The following DIP2C variants were observed in gnomAD, a reference collection of about 807,000 sequenced individuals.
The protein encoded by DIP2C is DIP2 acetate--CoA ligase C (putative), also known as disco-interacting protein 2 homolog C.
In DIP2C, 33 loss-of-function variants were observed where a neutral mutation model predicts 192.4. The ratio of observed to expected loss-of-function variants is 0.17; its 90% CI spans 0.13 to 0.23. The LOEUF is 0.23. Among genes scored for constraint, DIP2C ranks in the 10% least tolerant of loss-of-function variants. The pLI is 1.00. For missense variants in DIP2C, 1,537 were observed against 2,110.1 expected (o/e 0.73, Z 5.32); for synonymous variants, 979 against 864.1 (o/e 1.13, Z -2.33).
intron 22 of DIP2C, among the ~76,000 whole-genome samples, chr10:359,631 G>A (rs1037692633): frequency 1.2e-4 from 18 of 152,290 alleles, no homozygotes; most frequent in Non-Finnish European, 2.2e-4. Flanking sequence ...CTGGAAGGAA[G>A]GGAGCTGCCC....
chr10:369,701 C>T (rs767398689), intron 17 of DIP2C, 68 bp from the exon 18 acceptor site: 67 of 1,611,912 alleles, frequency 4.2e-5, no homozygotes, highest in Non-Finnish European at 5.3e-5. Flanking sequence ...GATGTGCAGT[C>T]AGCACACATG....
At position 602,679 on chromosome 10, in the gene DIP2C, C is replaced by A. The variant is rs147608394; in HGVS notation, c.85+86815G>T. Among the ~76,000 whole-genome samples, 67 of 152,250 alleles carry A rather than the reference C, an allele frequency of 4.4e-4. No individual in the cohort carries two copies. In the Middle Eastern group the frequency reaches 0.01, roughly 23 times the overall value. On this transcript the variant is annotated intron_variant, in intron 1 of 36. Coordinates refer to ENST00000280886, the MANE Select transcript of DIP2C (RefSeq NM_014974.3). ...ATCACCCAATCTACAGCAGCCCAGA[C>A]AGTCATGTTACAACATTAGCCACTT... is the stretch of plus-strand genomic sequence containing the variant.
chr10:603,334 C>A (rs74994819), intron 1 of DIP2C, among the ~76,000 whole-genome samples: 2,252 of 71,848 alleles, frequency 0.031, 25 homozygotes, highest in African/African-American at 0.11. Context: ...AAAAAAAAAA[C>A]CAACCATGAG....
Position 636,225 on chromosome 10 carries a change from C to T in DIP2C, c.85+53269G>A, listed in dbSNP as rs1228077415. On this transcript the variant is annotated intron_variant, in intron 1 of 36. Transcript: ENST00000280886. This position sits in a 1 kb window ranked among gnomAD's most constrained non-coding sequence, Gnocchi z 4.6. ...GGCTCGTCGGCTCGTCGGCTCTTCC[C>T]GGCTGAACCCAAGGGTGCTTGGCTT... 6.6e-6 allele frequency among the ~76,000 whole-genome samples: 1 copy of T among 152,182 alleles called. No individual in the cohort carries two copies. Among genetic ancestry groups the T allele is most frequent in the South Asian group, 2.1e-4 (1 of 4,820 alleles).
intron 1 of DIP2C, among the ~76,000 whole-genome samples, chr10:549,564 G>A (rs865289): frequency 0.51 from 77,043 of 151,998 alleles, 20,914 homozygotes; most frequent in African/African-American, 0.72. Context: ...AGCCAAGGGC[G>A]GCATTTGGAG....
intron 11 of DIP2C, 32 bp downstream of exon 11, chr10:390,708 G>T (rs770170595): frequency 6.2e-6 from 10 of 1,604,238 alleles, no homozygotes; most frequent in Admixed American, 5.1e-5. Flanking sequence ...AAGGACGTGG[G>T]CATGCGAGCT....
At chr10:385,503 A>C (rs1004425159) in intron 14 of DIP2C, among the ~76,000 whole-genome samples, 1 of 152,238 alleles carries the variant, frequency 6.6e-6, no homozygotes, top group Non-Finnish European at 1.5e-5. Context: ...TGTTATGCTA[A>C]CTTTTATTTC....
At chr10:388,027 A>G (rs532022797) in intron 13 of DIP2C, among the ~76,000 whole-genome samples, 8 of 152,266 alleles carry the variant, frequency 5.3e-5, no homozygotes, top group Middle Eastern at 3.4e-3. Flanking sequence ...ATGAGTGAGC[A>G]GCGTTAGCTC....
chr10:680,805 G>A (rs1057211105), intron 1 of DIP2C, among the ~76,000 whole-genome samples: 3 of 152,372 alleles, frequency 2.0e-5, no homozygotes, highest in Admixed American at 6.5e-5. Context: ...TGTGTCAGGC[G>A]AGGGAGTAAT....
At chr10:570,568 C>G (rs1588483383) in intron 1 of DIP2C, among the ~76,000 whole-genome samples, 1 of 152,206 alleles carries the variant, frequency 6.6e-6, no homozygotes, top group African/African-American at 2.4e-5. Flanking sequence ...AGTACCTGCA[C>G]CCAACACTAC....
chr10:323,826 T>C (rs1355037438), intron 31 of DIP2C, among the ~76,000 whole-genome samples: 1 of 152,238 alleles, frequency 6.6e-6, no homozygotes, highest in African/African-American at 2.4e-5. Context: ...ACATTTAATG[T>C]ACCAGGCATG....
intron 31 of DIP2C, among the ~76,000 whole-genome samples, chr10:321,587 C>CCAGCGAGAGACCGGCGCTGTTAGAACAGT: frequency 6.9e-6 from 1 of 144,700 alleles, no homozygotes; most frequent in African/African-American, 2.7e-5. Context: ...GTGCGGGGCT[C>CCAGCGAGAGACCGGCGCTGTTAGAACAGT]CAGCGAGAGA....
At chr10:605,126 G>A (rs189454706) in intron 1 of DIP2C, among the ~76,000 whole-genome samples, 150 of 152,340 alleles carry the variant, frequency 9.8e-4, no homozygotes, top group Non-Finnish European at 1.4e-3. Flanking sequence ...CTGCCGCGAT[G>A]CCGTGAGCGC....
At chr10:495,426 A>G (rs79319311) in intron 1 of DIP2C, among the ~76,000 whole-genome samples, 2,914 of 152,314 alleles carry the variant, frequency 0.019, 81 homozygotes, top group African/African-American at 0.066. Flanking sequence ...AATTAACTAC[A>G]AGGTGAGGAA....
At chr10:392,000 T>C (rs4488125) in intron 10 of DIP2C, among the ~76,000 whole-genome samples, 93,410 of 152,074 alleles carry the variant, frequency 0.61, 28,778 homozygotes, top group East Asian at 0.79. Flanking sequence ...AACAGCCAAA[T>C]GAGCCAACCA....
intron 1 of DIP2C, among the ~76,000 whole-genome samples, chr10:611,039 TCA>T (rs1853066645): frequency 6.9e-6 from 1 of 144,350 alleles, no homozygotes; most frequent in Admixed American, 7.0e-5. Context: ...GGTGACTGAC[TCA>T]CGGGGGTGCT....
chr10:504,974 GTTCA>G (rs112147101), intron 1 of DIP2C, among the ~76,000 whole-genome samples: 29 of 152,088 alleles, frequency 1.9e-4, no homozygotes, highest in South Asian at 1.2e-3. Context: ...TGCTAGGTTC[GTTCA>G]TTCATTCATT....
At chr10:588,381 T>C (rs1264064129) in intron 1 of DIP2C, among the ~76,000 whole-genome samples, 1 of 152,236 alleles carries the variant, frequency 6.6e-6, no homozygotes, top group Non-Finnish European at 1.5e-5. Context: ...TCAAATCTTG[T>C]CATCAACTGT....
intron 1 of DIP2C, among the ~76,000 whole-genome samples, chr10:685,160 AAATATATATATATATATATATATATAC>A (rs1831278608): frequency 6.9e-5 from 2 of 29,124 alleles, no homozygotes; most frequent in African/African-American, 2.4e-4. Flanking sequence ...AAAAAAAAAA[AAATATATATATATATATATATATATAC>A]ATATATATAT....
Sources: gnomAD v4.1 joint callset for allele counts (sites outside exome capture counted in the v4.1 genomes callset) on GRCh38, gnomAD v4.1.1 for gene constraint, Gnocchi (gnomAD v3.1) non-coding constraint, MANE v1.5 for transcripts, NCBI Gene and HGNC (gene_info 2026-07-23, HGNC 2026-07-21) for gene names.